The following TMEM117 variants were observed in gnomAD, a reference collection of about 807,000 sequenced individuals.
TMEM117 encodes transmembrane protein 117.
Under a neutral mutation model 52.4 loss-of-function variants are expected in TMEM117, and 27 were observed. The ratio of observed to expected loss-of-function variants is 0.51; its 90% CI spans 0.38 to 0.71. The LOEUF is 0.71. Among genes scored for constraint, TMEM117 ranks in the 30% least tolerant of loss-of-function variants. The pLI is 0.00. For synonymous variants in TMEM117, 215 were observed against 206.3 expected (o/e 1.04, Z -0.36); for missense variants, 556 against 630.5 (o/e 0.88, Z 1.26).
In TMEM117 at chr12:43,938,104, CAG is replaced by C. The variant is rs960036598; in HGVS notation, c.278-6105_278-6104del. 9.2e-5 allele frequency among the ~76,000 whole-genome samples: 14 copies of C among 151,742 alleles called. No homozygotes were observed. The South Asian group carries it at 2.9e-3, about 32-fold the overall frequency. On this transcript the variant is annotated intron_variant, in intron 2 of 7. Coordinates refer to ENST00000266534, the MANE Select transcript of TMEM117 (RefSeq NM_032256.3). ...TTAGGCAATGTGCAGGAACTGACAT[CAG>C]GGGGAGGGTGTGCAGGCTGGGCTGG...
rs1952131409 is a variant in TMEM117, at chr12:44,388,712, T to C, written c.*40T>C. On this transcript the variant is annotated 3_prime_UTR_variant, in exon 8 of 8. Coordinates refer to ENST00000266534, the MANE Select transcript of TMEM117 (RefSeq NM_032256.3). ...TTGGAGATAACACAAAAAGCAACCTTGAGTGTAACTTTAAAAATTTAGTCT... is the reference window on the plus strand; with the variant it reads ...TTGGAGATAACACAAAAAGCAACCTCGAGTGTAACTTTAAAAATTTAGTCT... 6.3e-7 allele frequency: 1 copy of C among 1,583,258 alleles called. No individual in the cohort carries two copies. Among genetic ancestry groups the C allele is most frequent in the Admixed American group, 1.9e-5 (1 of 53,604 alleles).
intron 3 of TMEM117, among the ~76,000 whole-genome samples, chr12:43,964,248 C>T (rs1408627288): frequency 2.0e-5 from 3 of 152,070 alleles, no homozygotes; most frequent in Admixed American, 2.0e-4. Context: ...TCTGCTCACA[C>T]TCTGATAAGA....
chr12:44,168,246 C>A (rs1948996665), intron 4 of TMEM117, among the ~76,000 whole-genome samples: 1 of 137,046 alleles, frequency 7.3e-6, no homozygotes, highest in South Asian at 2.2e-4. Flanking sequence ...GAGTGAGACC[C>A]CATCTCAAAA....
intron 2 of TMEM117, among the ~76,000 whole-genome samples, chr12:43,936,148 T>A: frequency 6.6e-6 from 1 of 151,746 alleles, no homozygotes; most frequent in East Asian, 1.9e-4. Context: ...GGCTCTGTGG[T>A]GGATGGATTT....
At chr12:44,234,076 C>A (rs907167274) in intron 5 of TMEM117, among the ~76,000 whole-genome samples, 22 of 151,066 alleles carry the variant, frequency 1.5e-4, no homozygotes, top group Non-Finnish European at 3.0e-4. Flanking sequence ...TCTTTTCTTG[C>A]ACTATCCTTG....
chr12:44,303,188 C>T (rs972050775), intron 6 of TMEM117, among the ~76,000 whole-genome samples: 1 of 151,874 alleles, frequency 6.6e-6, no homozygotes, highest in African/African-American at 2.4e-5. Context: ...GGATTACAGG[C>T]ATGCACCACC....
At chr12:44,118,263 T>G (rs1476167587) in intron 3 of TMEM117, among the ~76,000 whole-genome samples, 1 of 152,200 alleles carries the variant, frequency 6.6e-6, no homozygotes, top group African/African-American at 2.4e-5. Context: ...AACCCCTTTC[T>G]CATTGAGTAA....
chr12:44,154,177 T>A lies in TMEM117; in HGVS notation c.510+10553T>A, dbSNP rs191917316. Among the ~76,000 whole-genome samples, 246 of 152,212 alleles carry A rather than the reference T, an allele frequency of 1.6e-3. 1 individual carries two copies. Among genetic ancestry groups the A allele is most frequent in the African/African-American group, 5.7e-3 (235 of 41,566 alleles). Reference sequence around the variant, plus strand: ...ACATGATATTGCATAAGGAATCAATTAAGCATGCAACAGCAATAGAAATTA... The same window carrying A: ...ACATGATATTGCATAAGGAATCAATAAAGCATGCAACAGCAATAGAAATTA... On this transcript the variant is annotated intron_variant, in intron 4 of 7. Coordinates refer to ENST00000266534, the MANE Select transcript of TMEM117 (RefSeq NM_032256.3).
At chr12:44,335,711 T>A (rs1205171594) in intron 6 of TMEM117, among the ~76,000 whole-genome samples, 2 of 152,062 alleles carry the variant, frequency 1.3e-5, no homozygotes, top group Admixed American at 1.3e-4. Flanking sequence ...GCTTTTCACT[T>A]TTTTGTTAAA....
At chr12:44,123,931 C>T (rs1422090536) in intron 3 of TMEM117, among the ~76,000 whole-genome samples, 4 of 151,954 alleles carry the variant, frequency 2.6e-5, no homozygotes, top group African/African-American at 9.7e-5. Flanking sequence ...TTTTCTAATT[C>T]TGTGAATAAT....
intron 4 of TMEM117, among the ~76,000 whole-genome samples, chr12:44,155,314 C>T (rs1948811462): frequency 6.6e-6 from 1 of 151,982 alleles, no homozygotes; most frequent in African/African-American, 2.4e-5. Flanking sequence ...AAACATTGGA[C>T]TGTATTAAAT....
intron 2 of TMEM117, among the ~76,000 whole-genome samples, chr12:43,935,335 A>G (rs1434117929): frequency 1.3e-5 from 2 of 152,202 alleles, no homozygotes; most frequent in African/African-American, 2.4e-5. Flanking sequence ...GTCTGACCGG[A>G]AGTGAATTTC....
intron 5 of TMEM117, among the ~76,000 whole-genome samples, chr12:44,212,258 A>C (rs571832647): frequency 6.6e-6 from 1 of 152,128 alleles, no homozygotes; most frequent in Non-Finnish European, 1.5e-5. Context: ...CGGGAGATCA[A>C]TCGTCTCTTT....
chr12:43,974,353 A>G (rs2137700621), intron 3 of TMEM117, among the ~76,000 whole-genome samples: 1 of 152,272 alleles, frequency 6.6e-6, no homozygotes, highest in Non-Finnish European at 1.5e-5. Flanking sequence ...GCATTTTAAA[A>G]TCTGACTTTA....
At chr12:44,165,553 A>C (rs1392114725) in intron 4 of TMEM117, among the ~76,000 whole-genome samples, 1 of 152,228 alleles carries the variant, frequency 6.6e-6, no homozygotes, top group African/African-American at 2.4e-5. Flanking sequence ...ACACAAATGA[A>C]AACTAAACAC....
intron 2 of TMEM117, among the ~76,000 whole-genome samples, chr12:43,889,072 C>T (rs1316149189): frequency 6.8e-6 from 1 of 146,402 alleles, no homozygotes; most frequent in Non-Finnish European, 1.5e-5. Flanking sequence ...TTTAGATCCT[C>T]AGGCGTTGGA....
chr12:43,932,791 T>A (rs1944892163), intron 2 of TMEM117, among the ~76,000 whole-genome samples: 1 of 152,244 alleles, frequency 6.6e-6, no homozygotes, highest in African/African-American at 2.4e-5. Context: ...AGTAAATCTA[T>A]AAATGGAATG....
At chr12:44,367,480 C>A (rs1951804781) in intron 6 of TMEM117, among the ~76,000 whole-genome samples, 1 of 152,066 alleles carries the variant, frequency 6.6e-6, no homozygotes, top group Non-Finnish European at 1.5e-5. Context: ...CTATTGCATG[C>A]CATTTCTTTT....
chr12:43,891,467 G>C (rs1944103902), intron 2 of TMEM117, among the ~76,000 whole-genome samples: 1 of 136,570 alleles, frequency 7.3e-6, no homozygotes, highest in Non-Finnish European at 1.5e-5. Context: ...CCGCCTCCCA[G>C]GTTCATGCCA....
Sources: gnomAD v4.1 joint callset for allele counts (sites outside exome capture counted in the v4.1 genomes callset) on GRCh38, gnomAD v4.1.1 for gene constraint, MANE v1.5 for transcripts, NCBI Gene and HGNC (gene_info 2026-07-23, HGNC 2026-07-21) for gene names.